FMN1: variants seen among roughly 807,000 people sequenced by gnomAD.
The protein encoded by FMN1 is formin 1.
In FMN1, 110 loss-of-function variants were observed where a neutral mutation model predicts 132.4. The ratio of observed to expected loss-of-function variants is 0.83; its 90% CI spans 0.71 to 0.97. The LOEUF is 0.97. Among genes scored for constraint, FMN1 ranks in the 50% least tolerant of loss-of-function variants. FMN1 has a pLI of 0.00. For synonymous variants in FMN1, 722 were observed against 651.7 expected (o/e 1.11, Z -1.64); for missense variants, 1,792 against 1,705.3 (o/e 1.05, Z -0.90).
chr15:32,951,006 T>C (rs1227672740), intron 9 of FMN1, among the ~76,000 whole-genome samples: 1 of 152,174 alleles, frequency 6.6e-6, no homozygotes, highest in Admixed American at 6.5e-5. Flanking sequence ...TTAATATTGC[T>C]TGACTTTTTA....
chr15:33,099,086 G>A (rs1229800517), intron 4 of FMN1, among the ~76,000 whole-genome samples: 1 of 152,026 alleles, frequency 6.6e-6, no homozygotes, highest in Non-Finnish European at 1.5e-5. Flanking sequence ...GGGCAACATG[G>A]TGAAACCCCA....
chr15:33,022,090 T>C (rs1315305659), intron 6 of FMN1, among the ~76,000 whole-genome samples: 1 of 152,224 alleles, frequency 6.6e-6, no homozygotes, highest in Non-Finnish European at 1.5e-5. Context: ...GGTGTAGCAT[T>C]TGTGTATAAC....
At chr15:33,017,526 T>C (rs2035127473) in intron 6 of FMN1, among the ~76,000 whole-genome samples, 1 of 152,214 alleles carries the variant, frequency 6.6e-6, no homozygotes, top group Non-Finnish European at 1.5e-5. Context: ...CAACCTACTA[T>C]GTTGTTCAAT....
intron 17 of FMN1, among the ~76,000 whole-genome samples, chr15:32,811,845 G>T (rs1288187100): frequency 6.6e-6 from 1 of 151,684 alleles, no homozygotes; most frequent in African/African-American, 2.4e-5. Flanking sequence ...TTGTAGTTTC[G>T]CCATGTTGGC....
chr15:33,120,447 G>A (rs944337217), intron 4 of FMN1, among the ~76,000 whole-genome samples: 1 of 152,098 alleles, frequency 6.6e-6, no homozygotes, highest in Non-Finnish European at 1.5e-5. Flanking sequence ...CGGCAGGGAA[G>A]ACATGTTCAA....
chr15:32,905,821 G>A (rs148548894), intron 12 of FMN1, among the ~76,000 whole-genome samples: 1 of 152,250 alleles, frequency 6.6e-6, no homozygotes, highest in Admixed American at 6.5e-5. Context: ...AATCAGAGTG[G>A]CATAAATCAA....
Position 33,153,243 on chromosome 15 carries a change from T to C in FMN1, c.1672A>G (p.Lys558Glu). ...ACGCACCCAGAGAAGACACGGCTCT[T>C]TCTACAAGGAGAGTCATTAAGAGCA... is the stretch of plus-strand genomic sequence containing the variant. ...EAALNDSPCR[K>E]SRVFSGCVSA... Residue 558 changes from lysine (K) to glutamate (E), a missense_variant, in exon 4 of 21, where the codon AAG becomes GAG. Physicochemically the swap from Lys to Glu is moderately conservative, Grantham distance 56 (BLOSUM62 1). Around this residue, in one of 3 missense-constraint regions of FMN1, gnomAD observed 1,150 missense variants for 1,043.1 expected, o/e 1.10. Transcript: ENST00000616417. 1 of 1,536,090 alleles carries C rather than the reference T, an allele frequency of 6.5e-7. No individual in the cohort carries two copies. The highest frequency in any genetic ancestry group is 1.2e-5 in the South Asian group (1 of 84,060).
At chr15:32,806,613 G>C (rs2057691535) in intron 17 of FMN1, among the ~76,000 whole-genome samples, 1 of 152,168 alleles carries the variant, frequency 6.6e-6, no homozygotes, top group Non-Finnish European at 1.5e-5. Flanking sequence ...ACTTAAGTCG[G>C]CTCCCTGGCT....
chr15:33,141,697 T>A (rs1207769283), intron 4 of FMN1, among the ~76,000 whole-genome samples: 1 of 152,186 alleles, frequency 6.6e-6, no homozygotes, highest in Admixed American at 6.5e-5. Context: ...AGATAAGTCA[T>A]TGGTCAGGCC....
chr15:32,983,486 C>T (rs565528367), intron 7 of FMN1, among the ~76,000 whole-genome samples: 2 of 152,098 alleles, frequency 1.3e-5, no homozygotes, highest in South Asian at 4.1e-4. Flanking sequence ...ACACTTAGAA[C>T]AGCAATTTTT....
chr15:33,090,037 A>C (rs543187185), intron 4 of FMN1, among the ~76,000 whole-genome samples: 1 of 152,332 alleles, frequency 6.6e-6, no homozygotes, highest in East Asian at 1.9e-4. Flanking sequence ...AACATGTCGC[A>C]AGCCACTTAA....
intron 5 of FMN1, among the ~76,000 whole-genome samples, chr15:33,079,079 A>C (rs905837975): frequency 7.9e-5 from 12 of 152,336 alleles, no homozygotes; most frequent in Admixed American, 4.6e-4. Context: ...AAAATTCCTC[A>C]TCATTTTATA....
At chr15:32,775,866 G>A (rs1392607877) in intron 20 of FMN1, among the ~76,000 whole-genome samples, 1 of 152,212 alleles carries the variant, frequency 6.6e-6, no homozygotes, top group African/African-American at 2.4e-5. Context: ...AAAGTAAGTA[G>A]TTGTTGGACA....
intron 6 of FMN1, among the ~76,000 whole-genome samples, chr15:33,051,338 G>C (rs1031459986): frequency 6.6e-6 from 1 of 152,118 alleles, no homozygotes; most frequent in Non-Finnish European, 1.5e-5. Context: ...ATTAAAAATG[G>C]AAAGAAAAAA....
At chr15:32,929,915 C>T (rs2061063217) in intron 9 of FMN1, among the ~76,000 whole-genome samples, 1 of 150,494 alleles carries the variant, frequency 6.6e-6, no homozygotes, top group East Asian at 1.9e-4. Context: ...AATACAGTGA[C>T]TTCAATTCTT....
intron 7 of FMN1, among the ~76,000 whole-genome samples, chr15:32,989,642 A>G (rs910339311): frequency 6.6e-6 from 1 of 152,208 alleles, no homozygotes; most frequent in African/African-American, 2.4e-5. Flanking sequence ...CTTGACAGAC[A>G]GTAGTGAGCC....
At chr15:32,984,819 A>G (rs778331504) in intron 7 of FMN1, among the ~76,000 whole-genome samples, 1 of 152,098 alleles carries the variant, frequency 6.6e-6, no homozygotes, top group Non-Finnish European at 1.5e-5. Context: ...GCATCATCCA[A>G]TAAAAACTAG....
At chr15:32,859,167 G>C (rs888784018) in intron 16 of FMN1, among the ~76,000 whole-genome samples, 5 of 152,162 alleles carry the variant, frequency 3.3e-5, no homozygotes, top group African/African-American at 1.2e-4. Context: ...AGGAGATCAA[G>C]AGTTAAATTT....
intron 3 of FMN1, among the ~76,000 whole-genome samples, chr15:33,164,591 T>G (rs1965024250): frequency 6.6e-6 from 1 of 152,234 alleles, no homozygotes; most frequent in African/African-American, 2.4e-5. Flanking sequence ...AGGAATTCTT[T>G]CTTTGCCTCT....
Sources: gnomAD v4.1 joint callset for allele counts (sites outside exome capture counted in the v4.1 genomes callset) on GRCh38, gnomAD v4.1.1 for gene constraint, gnomAD v4.1.1 regional missense constraint, MANE v1.5 for transcripts, NCBI Gene and HGNC (gene_info 2026-07-23, HGNC 2026-07-21) for gene names.